The following DDX46 variants were observed in gnomAD, a reference collection of about 807,000 sequenced individuals.
DDX46 encodes the protein probable ATP-dependent RNA helicase DDX46.
Under a neutral mutation model 134.9 loss-of-function variants are expected in DDX46, and 30 were observed. The ratio of observed to expected loss-of-function variants is 0.22; its 90% confidence interval spans 0.17 to 0.30. DDX46 has a LOEUF of 0.30. DDX46 is among the 10% of genes least tolerant of loss of function. DDX46 has a pLI of 1.00. For missense variants in DDX46, 622 were observed against 1,248.7 expected (o/e 0.50, Z 7.56); for synonymous variants, 415 against 404.1 (o/e 1.03, Z -0.32).
rs775800140 is a variant in DDX46 at position 134,784,358 on chromosome 5, T to C, written c.1167-8T>C. On this transcript the variant is annotated splice_region_variant and splice_polypyrimidine_tract_variant and intron_variant, in intron 9 of 22. Transcript: ENST00000452510. ...CTTACCTTTTCTTCCTTTGGTTTTC[T>C]TTTTAAGGCATGGCTATGAAAAGCC... 2 of 1,592,634 alleles carry C rather than the reference T, an allele frequency of 1.3e-6. No individual in the cohort carries two copies. Among genetic ancestry groups the C allele is most frequent in the Admixed American group, 3.7e-5 (2 of 54,706 alleles).
intron 5 of DDX46, among the ~76,000 whole-genome samples, chr5:134,774,486 T>C (rs1337058608): frequency 6.6e-6 from 1 of 152,224 alleles, no homozygotes; most frequent in East Asian, 1.9e-4. Flanking sequence ...GAAGTGGAAT[T>C]GAGATTGTAA....
At chr5:134,803,777 G>A (rs922661343) in intron 15 of DDX46, among the ~76,000 whole-genome samples, 2 of 152,052 alleles carry the variant, frequency 1.3e-5, no homozygotes, top group Non-Finnish European at 2.9e-5. Context: ...TTGGGAATGT[G>A]TGTTTTTATA....
In DDX46 at chr5:134,795,084, C is replaced by T. The variant is rs917892927; in HGVS notation, c.1791+70C>T. On this transcript the variant is annotated intron_variant, in intron 14 of 22. Transcript: ENST00000452510. ...GTGGTATGTATGATTCTTCTATGAT[C>T]ACTGTTTGTGAGGTAGGCAAGGTAA... 6 of 1,562,454 alleles carry T rather than the reference C, an allele frequency of 3.8e-6. No individual in the cohort carries two copies. In the African/African-American group the frequency reaches 8.2e-5, roughly 21 times the overall value.
chr5:134,771,725 T>C lies in DDX46; in HGVS notation c.447+726T>C, dbSNP rs1456181111. Reference sequence around the variant, plus strand: ...TCAAAAATCAAAACAAACTTGTTTCTATGCCAACAAATTTTTTTCTTTTTA... The same window carrying C: ...TCAAAAATCAAAACAAACTTGTTTCCATGCCAACAAATTTTTTTCTTTTTA... On this transcript the variant is annotated intron_variant, in intron 4 of 22. Transcript: ENST00000452510. Among the ~76,000 whole-genome samples the C allele has an allele frequency of 3.9e-5, 6 of 151,974 alleles. No individual in the cohort carries two copies. The East Asian group carries it at 1.2e-3, about 30-fold the overall frequency.
chr5:134,795,348 C>T (rs995858113), intron 14 of DDX46, among the ~76,000 whole-genome samples: 1 of 151,800 alleles, frequency 6.6e-6, no homozygotes, highest in Non-Finnish European at 1.5e-5. Flanking sequence ...GGTGACCTCC[C>T]GGTAACAGGG....
At chr5:134,781,895 C>T (rs1754166509) in intron 7 of DDX46, 26 bp from the exon 8 acceptor site, 1 of 1,588,774 alleles carries the variant, frequency 6.3e-7, no homozygotes. Flanking sequence ...GAACTTAGCG[C>T]TTTAATTTTT....
Position 134,831,101 on chromosome 5 carries a change from A to G in DDX46, c.*2395A>G, listed in dbSNP as rs1436337060. 6.6e-6 allele frequency: 1 copy of G among 152,192 alleles called. No homozygotes were observed. The highest frequency in any genetic ancestry group is 2.4e-5 in the African/African-American group (1 of 41,454). 9.4% of individuals were successfully genotyped at this position (152,192 alleles called of 1,614,324 possible). On this transcript the variant is annotated 3_prime_UTR_variant, in exon 23 of 23. Transcript: ENST00000452510. ...TCATGTTTTCTAAATTCCTTATAAA[A>G]TAAAATTAATTCGAATTCAATCTGC...
chr5:134,795,043 T>A (rs1452789542), intron 14 of DDX46, 29 bp downstream of exon 14: 8 of 1,610,932 alleles, frequency 5.0e-6, no homozygotes, highest in Non-Finnish European at 6.8e-6. Context: ...AAATTCCCAG[T>A]TTCCTTGATA....
chr5:134,781,391 A>G, intron 7 of DDX46, 145 bp downstream of exon 7: 1 of 637,238 alleles, frequency 1.6e-6, no homozygotes, highest in Non-Finnish European at 2.7e-6. Context: ...TTAGTAGTAT[A>G]ATAGTATCTA....
intron 22 of DDX46, among the ~76,000 whole-genome samples, chr5:134,827,343 C>T (rs1221743148): frequency 6.6e-6 from 1 of 151,720 alleles, no homozygotes; most frequent in Non-Finnish European, 1.5e-5. Flanking sequence ...GGCACGATCT[C>T]GGCTCACTGC....
rs1350027445 is a variant in DDX46 at position 134,758,909 on chromosome 5, A to G, written c.-30A>G. ...TCCGGTTCGCCTGTGCGTGGTACTC[A>G]AGGGCACCAGTATTCCCGCGGTCGG... On this transcript the variant is annotated 5_prime_UTR_variant, in exon 1 of 23. Coordinates refer to ENST00000452510, the MANE Select transcript of DDX46 (RefSeq NM_001300860.2). 1 of 1,613,452 alleles carries G rather than the reference A, an allele frequency of 6.2e-7. No individual in the cohort carries two copies. Among genetic ancestry groups the G allele is most frequent in the Admixed American group, 1.7e-5 (1 of 60,000 alleles).
chr5:134,771,036 C>A (rs1327396588), intron 4 of DDX46, 37 bp downstream of exon 4: 1 of 864,376 alleles, frequency 1.2e-6, no homozygotes, highest in Non-Finnish European at 1.8e-6. Flanking sequence ...TTCTTTCTTT[C>A]TTTTTGTCTT....
chr5:134,820,200 A>G (rs1331397640), intron 21 of DDX46, among the ~76,000 whole-genome samples: 3 of 152,186 alleles, frequency 2.0e-5, no homozygotes, highest in Non-Finnish European at 4.4e-5. Flanking sequence ...GATTACAGGC[A>G]TGAGCCACCG....
At chr5:134,794,804 A>C (rs764499158) in intron 13 of DDX46, 46 bp from the exon 14 acceptor site, 1 of 1,603,344 alleles carries the variant, frequency 6.2e-7, no homozygotes, top group Non-Finnish European at 8.5e-7. Context: ...ATAAGCTTTG[A>C]AGACCATATT....
chr5:134,777,508 TG>T, intron 5 of DDX46, 65 bp from the exon 6 acceptor site: 1 of 1,575,416 alleles, frequency 6.3e-7, no homozygotes, highest in Non-Finnish European at 8.6e-7. Context: ...AGGTGGGGTG[TG>T]GTCTGATTGT....
chr5:134,819,045 A>G, intron 21 of DDX46, 41 bp downstream of exon 21: 2 of 1,603,586 alleles, frequency 1.2e-6, no homozygotes, highest in South Asian at 1.1e-5. Context: ...AATTTAGATC[A>G]AGGTTGATGT....
At position 134,824,951 on chromosome 5, in the gene DDX46, C is replaced by G. The variant is rs79740006; in HGVS notation, c.2978-1996C>G. Among the ~76,000 whole-genome samples, 843 of 152,304 alleles carry G rather than the reference C, an allele frequency of 5.5e-3. 9 individuals are homozygous for G. Among genetic ancestry groups the G allele is most frequent in the African/African-American group, 0.019 (798 of 41,566 alleles). Reference sequence around the variant, plus strand: ...TTTATATAGCCTGTTCTGTGACCCTCTCTTTTTACTAGTGGAGAATCCCTT... The same window carrying G: ...TTTATATAGCCTGTTCTGTGACCCTGTCTTTTTACTAGTGGAGAATCCCTT... On this transcript the variant is annotated intron_variant, in intron 21 of 22. Transcript: ENST00000452510.
intron 1 of DDX46, among the ~76,000 whole-genome samples, chr5:134,762,114 A>G (rs926513202): frequency 2.6e-5 from 4 of 152,054 alleles, no homozygotes; most frequent in Non-Finnish European, 5.9e-5. Flanking sequence ...AAATAAAAAG[A>G]AATAAATAGG....
rs758752733 is a variant in DDX46, at chr5:134,830,828, T to G, written c.*2122T>G. The G allele has an allele frequency of 5.9e-5, 9 of 152,664 alleles. No individual in the cohort carries two copies. Among genetic ancestry groups the G allele is most frequent in the Non-Finnish European group, 7.3e-5 (5 of 68,038 alleles). 9.5% of individuals were successfully genotyped at this position (152,664 alleles called of 1,614,324 possible). ...TCACCTAATGGTAGTTTGTTTTCTT[T>G]GGTAGAGTATATGGCAGTCCCACAT... is the stretch of plus-strand genomic sequence containing the variant. On this transcript the variant is annotated 3_prime_UTR_variant, in exon 23 of 23. Coordinates refer to ENST00000452510, the MANE Select transcript of DDX46 (RefSeq NM_001300860.2).
Sources: gnomAD v4.1 joint callset for allele counts (sites outside exome capture counted in the v4.1 genomes callset) on GRCh38, gnomAD v4.1.1 for gene constraint, MANE v1.5 for transcripts, NCBI Gene and HGNC (gene_info 2026-07-23, HGNC 2026-07-21) for gene names.